RANBP2: variants seen among roughly 807,000 people sequenced by gnomAD.
The protein encoded by RANBP2 is RAN binding protein 2, also known as E3 SUMO-protein ligase RanBP2.
Under a neutral mutation model 303.6 loss-of-function variants are expected in RANBP2, and 57 were observed. That is an observed-to-expected ratio of 0.19 (90% CI 0.15 to 0.23). The LOEUF is 0.23. Ranked by LOEUF, RANBP2 falls within the 10% of genes least tolerant of loss-of-function variation. The pLI is 1.00. For synonymous variants in RANBP2, 1,167 were observed against 1,301.5 expected (o/e 0.90, Z 2.23); for missense variants, 3,138 against 3,780.8 (o/e 0.83, Z 4.46).
chr2:109,389,340 C>T, the RANBP2 span, among the ~76,000 whole-genome samples: 1 of 152,246 alleles, frequency 6.6e-6, no homozygotes, highest in East Asian at 1.9e-4. Context: ...GAGGCAATGT[C>T]TGTCATCTCC....
chr2:109,079,929 G>C, the RANBP2 span, among the ~76,000 whole-genome samples: 1 of 152,220 alleles, frequency 6.6e-6, no homozygotes, highest in Non-Finnish European at 1.5e-5. Context: ...GGCCATGGGT[G>C]TGAGTCACCA....
the RANBP2 span, among the ~76,000 whole-genome samples, chr2:109,587,459 G>A: frequency 1.3e-5 from 2 of 152,036 alleles, no homozygotes; most frequent in Non-Finnish European, 2.9e-5. Context: ...GTGGGGGGTA[G>A]GAGGGAGGGA....
At chr2:109,493,772 G>GCA in the RANBP2 span, among the ~76,000 whole-genome samples, 1 of 151,632 alleles carries the variant, frequency 6.6e-6, no homozygotes, top group Admixed American at 6.6e-5. Context: ...AACATGCACT[G>GCA]CACACACACC....
chr2:109,034,531 G>A, the RANBP2 span, among the ~76,000 whole-genome samples: 1 of 152,170 alleles, frequency 6.6e-6, no homozygotes, highest in African/African-American at 2.4e-5. Context: ...AAGCCAGCAG[G>A]CAGAGGGAGG....
At chr2:109,434,871 C>T in the RANBP2 span, among the ~76,000 whole-genome samples, 4 of 152,218 alleles carry the variant, frequency 2.6e-5, no homozygotes, top group East Asian at 7.7e-4. Context: ...TAAAAGAAAT[C>T]TAGTTGTTCT....
At chr2:109,106,934 CTTTT>C in the RANBP2 span, among the ~76,000 whole-genome samples, 1 of 133,760 alleles carries the variant, frequency 7.5e-6, no homozygotes. Flanking sequence ...GGGCCTTCTC[CTTTT>C]TTTTTTTTTT....
chr2:108,736,686 G>A lies in RANBP2; in HGVS notation c.782+437G>A, dbSNP rs2556115. On this transcript the variant is annotated intron_variant, in intron 6 of 28. Coordinates refer to ENST00000283195, the MANE Select transcript of RANBP2 (RefSeq NM_006267.5). Reference sequence around the variant, plus strand: ...TATTTCAGAAAATACTGTTTTAGCTGAGAAACAAAATAACTCAACTATGTG... The same window carrying A: ...TATTTCAGAAAATACTGTTTTAGCTAAGAAACAAAATAACTCAACTATGTG... Among the ~76,000 whole-genome samples, 293 of 152,304 alleles carry A rather than the reference G, an allele frequency of 1.9e-3. 3 individuals are homozygous for A. Among genetic ancestry groups the A allele is most frequent in the African/African-American group, 6.8e-3 (284 of 41,564 alleles).
At chr2:108,798,685 C>T in the RANBP2 span, 14 of 836,344 alleles carry the variant, frequency 1.7e-5, no homozygotes, top group South Asian at 3.5e-5. Context: ...ATTTCTCCTT[C>T]CCTTCCTCCT....
chr2:109,184,448 G>T, the RANBP2 span, among the ~76,000 whole-genome samples: 3 of 152,336 alleles, frequency 2.0e-5, 1 homozygote, highest in South Asian at 6.2e-4. Context: ...CTGTGGCGGG[G>T]CCCTGGGGGA....
chr2:108,985,904 A>T, the RANBP2 span, among the ~76,000 whole-genome samples: 14 of 152,286 alleles, frequency 9.2e-5, no homozygotes, highest in Middle Eastern at 6.8e-3. Flanking sequence ...CATGGAGTGC[A>T]TGATGTCCTT....
At chr2:109,599,390 G>A in the RANBP2 span, among the ~76,000 whole-genome samples, 6 of 151,482 alleles carry the variant, frequency 4.0e-5, no homozygotes, top group Non-Finnish European at 5.9e-5. Flanking sequence ...CTCAGGAGGC[G>A]GAGGTTGCAG....
chr2:109,276,991 G>A, the RANBP2 span, among the ~76,000 whole-genome samples: 1 of 152,132 alleles, frequency 6.6e-6, no homozygotes, highest in African/African-American at 2.4e-5. Context: ...AGGAGCAGTG[G>A]GCAAATGGAC....
At chr2:109,275,876 TC>T in the RANBP2 span, among the ~76,000 whole-genome samples, 1 of 152,110 alleles carries the variant, frequency 6.6e-6, no homozygotes, top group Non-Finnish European at 1.5e-5. Context: ...GTTTTTTGAG[TC>T]CACTCTAGGT....
At chr2:109,589,714 T>TA in the RANBP2 span, among the ~76,000 whole-genome samples, 1 of 151,266 alleles carries the variant, frequency 6.6e-6, no homozygotes, top group African/African-American at 2.5e-5. Context: ...CCTATGAAGT[T>TA]AAACACATAT....
the RANBP2 span, among the ~76,000 whole-genome samples, chr2:109,016,592 G>T: frequency 6.6e-6 from 1 of 152,184 alleles, no homozygotes; most frequent in African/African-American, 2.4e-5. Flanking sequence ...ACATGTGCTC[G>T]TGAGCTTCAA....
At chr2:109,404,676 T>G in the RANBP2 span, among the ~76,000 whole-genome samples, 1 of 152,108 alleles carries the variant, frequency 6.6e-6, no homozygotes, top group Non-Finnish European at 1.5e-5. Context: ...TCCCACCGGG[T>G]GCCCCCTCCC....
At chr2:108,747,463 A>G (rs901621835) in intron 8 of RANBP2, among the ~76,000 whole-genome samples, 6 of 152,244 alleles carry the variant, frequency 3.9e-5, no homozygotes, top group Non-Finnish European at 8.8e-5. Flanking sequence ...CAAAGTTATT[A>G]TAAGCTTTGG....
chr2:109,541,359 A>G, the RANBP2 span, among the ~76,000 whole-genome samples: 4 of 152,228 alleles, frequency 2.6e-5, no homozygotes, highest in Admixed American at 2.0e-4. Flanking sequence ...CCATACAGCT[A>G]CCATTTTCAT....
the RANBP2 span, among the ~76,000 whole-genome samples, chr2:109,295,552 A>G: frequency 6.6e-6 from 1 of 152,208 alleles, no homozygotes; most frequent in African/African-American, 2.4e-5. Flanking sequence ...TGTTGAGAGA[A>G]GGAGGTCTCA....
Sources: gnomAD v4.1 joint callset for allele counts (sites outside exome capture counted in the v4.1 genomes callset) on GRCh38, gnomAD v4.1.1 for gene constraint, MANE v1.5 for transcripts, NCBI Gene and HGNC (gene_info 2026-07-23, HGNC 2026-07-21) for gene names.